The following EPHA3 variants were observed in gnomAD, a reference collection of about 807,000 sequenced individuals.
EPHA3 encodes the protein ephrin type-A receptor 3.
A neutral mutation model predicts 107.1 loss-of-function variants in EPHA3; 42 were observed. That is an observed-to-expected ratio of 0.39 (90% CI 0.31 to 0.51). EPHA3 has a LOEUF of 0.51. Among genes scored for constraint, EPHA3 ranks in the 20% least tolerant of loss-of-function variants. EPHA3 has a pLI of 0.78. For synonymous variants in EPHA3, 461 were observed against 424.8 expected, an observed-to-expected ratio of 1.09 and a Z score of -1.05; for missense variants, 1,183 against 1,211.2, an observed-to-expected ratio of 0.98 and a Z score of 0.35.
At chr3:89,197,419 A>G (rs981309974) in intron 2 of EPHA3, among the ~76,000 whole-genome samples, 154 of 85,736 alleles carry the variant, frequency 1.8e-3, no homozygotes, top group African/African-American at 4.6e-3. Flanking sequence ...ATAAAAAAAA[A>G]CATAAAAACA....
At chr3:89,368,520 T>A (rs2107467430) in intron 5 of EPHA3, among the ~76,000 whole-genome samples, 1 of 150,058 alleles carries the variant, frequency 6.7e-6, no homozygotes, top group East Asian at 2.0e-4. Flanking sequence ...ACCAGGGGAG[T>A]CAATAGTATA....
intron 10 of EPHA3, 144 bp downstream of exon 10, chr3:89,413,410 A>G: frequency 9.8e-7 from 1 of 1,023,742 alleles, no homozygotes; most frequent in Non-Finnish European, 1.5e-6. Context: ...GCAATATTTA[A>G]TGGAATGTAA....
At chr3:89,402,570 T>C (rs908587936) in intron 7 of EPHA3, among the ~76,000 whole-genome samples, 64 of 152,280 alleles carry the variant, frequency 4.2e-4, no homozygotes, top group African/African-American at 1.5e-3. Flanking sequence ...TCCTAAATGC[T>C]GTAAGTATTT....
chr3:89,274,810 T>C (rs898628632), intron 3 of EPHA3, among the ~76,000 whole-genome samples: 4 of 151,920 alleles, frequency 2.6e-5, no homozygotes, highest in African/African-American at 9.7e-5. Context: ...TTTAAGAAGA[T>C]TGGAGCCCAA....
intron 1 of EPHA3, among the ~76,000 whole-genome samples, chr3:89,109,056 T>C (rs539401447): frequency 6.6e-6 from 1 of 152,268 alleles, no homozygotes; most frequent in African/African-American, 2.4e-5. Flanking sequence ...TTATTAAATG[T>C]AATAACTGCC....
intron 3 of EPHA3, among the ~76,000 whole-genome samples, chr3:89,247,179 G>A (rs2107256224): frequency 6.6e-6 from 1 of 152,264 alleles, no homozygotes; most frequent in East Asian, 1.9e-4. Context: ...GACAAATAAA[G>A]TAAATCATTT....
At chr3:89,151,601 A>G (rs1704691984) in intron 2 of EPHA3, among the ~76,000 whole-genome samples, 2 of 152,094 alleles carry the variant, frequency 1.3e-5, no homozygotes, top group Admixed American at 6.6e-5. Context: ...TGCCTATTTC[A>G]GTACTGTTTA....
chr3:89,202,529 AAAAAAATATATAT>A (rs1456396048), intron 2 of EPHA3, among the ~76,000 whole-genome samples: 3 of 36,854 alleles, frequency 8.1e-5, no homozygotes, highest in South Asian at 1.2e-3. Context: ...AAAAAAAAAA[AAAAAAATATATAT>A]ATATATATAT....
At chr3:89,129,915 G>A (rs561098621) in intron 2 of EPHA3, among the ~76,000 whole-genome samples, 107 of 152,178 alleles carry the variant, frequency 7.0e-4, no homozygotes, top group Non-Finnish European at 1.3e-3. Context: ...CTAATAACTG[G>A]CAGTACATCT....
At chr3:89,435,118 T>C (rs1028013) in intron 13 of EPHA3, among the ~76,000 whole-genome samples, 27,460 of 150,024 alleles carry the variant, frequency 0.18, 3,229 homozygotes, top group Non-Finnish European at 0.25. Flanking sequence ...AACAGCTAAA[T>C]GAGGCAGCAT....
At chr3:89,189,840 T>C (rs559336255) in intron 2 of EPHA3, among the ~76,000 whole-genome samples, 1 of 152,318 alleles carries the variant, frequency 6.6e-6, no homozygotes, top group Admixed American at 6.5e-5. Context: ...GCATTAATTG[T>C]GTCCATTATG....
intron 1 of EPHA3, among the ~76,000 whole-genome samples, chr3:89,120,578 A>G (rs1707355416): frequency 6.6e-6 from 1 of 152,212 alleles, no homozygotes; most frequent in African/African-American, 2.4e-5. Flanking sequence ...GAAAGAAAGA[A>G]AATTTTAACA....
chr3:89,208,592 GGGAAGGAAGGAAGGAAAGAA>G (rs1398571338), intron 2 of EPHA3, among the ~76,000 whole-genome samples: 5 of 103,048 alleles, frequency 4.9e-5, no homozygotes, highest in Admixed American at 1.1e-4. Context: ...AAGAAAGAAA[GGGAAGGAAGGAAGGAAAGAA>G]GGAAGGAAGG....
intron 10 of EPHA3, among the ~76,000 whole-genome samples, chr3:89,418,280 G>A (rs1709285960): frequency 6.6e-6 from 1 of 151,288 alleles, no homozygotes; most frequent in Non-Finnish European, 1.5e-5. Context: ...CACTATGTTA[G>A]AAGTTCTTCT....
intron 3 of EPHA3, among the ~76,000 whole-genome samples, chr3:89,286,893 G>T (rs1467207473): frequency 1.3e-5 from 2 of 151,996 alleles, no homozygotes; most frequent in African/African-American, 4.8e-5. Context: ...CTTATTCTCT[G>T]CAACATGTCC....
chr3:89,369,823 A>T (rs1708257574), intron 5 of EPHA3, among the ~76,000 whole-genome samples: 1 of 150,312 alleles, frequency 6.7e-6, no homozygotes, highest in South Asian at 2.1e-4. Context: ...AAAAACAAAC[A>T]ACCCCATCAA....
chr3:89,366,996 A>G (rs1385766118), intron 5 of EPHA3, among the ~76,000 whole-genome samples: 2 of 150,532 alleles, frequency 1.3e-5, no homozygotes, highest in African/African-American at 2.4e-5. Flanking sequence ...TCTTCACTTG[A>G]TATTACTAAC....
intron 2 of EPHA3, among the ~76,000 whole-genome samples, chr3:89,175,069 ATTTTTTTT>A (rs11425521): frequency 7.2e-6 from 1 of 138,640 alleles, no homozygotes; most frequent in South Asian, 2.3e-4. Context: ...AAGTGATAGC[ATTTTTTTT>A]TTTTTTTTGT....
At chr3:89,369,141 A>C (rs1416875831) in intron 5 of EPHA3, among the ~76,000 whole-genome samples, 1 of 150,680 alleles carries the variant, frequency 6.6e-6, no homozygotes, top group Non-Finnish European at 1.5e-5. Flanking sequence ...TGAGAACTCA[A>C]GGAATGGTAA....
Sources: allele counts gnomAD v4.1 joint callset (sites outside exome capture counted in the v4.1 genomes callset), GRCh38; gene constraint gnomAD v4.1.1; transcripts MANE v1.5; gene names NCBI Gene and HGNC (gene_info 2026-07-23, HGNC 2026-07-21).